Variants in RBFOX1 observed in about 807,000 individuals in gnomAD.
RBFOX1 encodes the protein RNA binding fox-1 homolog 1, also known as RNA binding protein fox-1 homolog 1.
RBFOX1 carries 8 observed loss-of-function variants against 57.7 expected under a neutral mutation model. The ratio of observed to expected loss-of-function variants is 0.14; its 90% confidence interval spans 0.08 to 0.25. RBFOX1 has a LOEUF of 0.25. RBFOX1 is among the 10% of genes least tolerant of loss of function. The pLI, the probability that RBFOX1 is intolerant of heterozygous loss-of-function variation, is 1.00. For synonymous variants in RBFOX1, 326 were observed against 222.4 expected (o/e 1.47, Z -4.15); for missense variants, 611 against 548.5 (o/e 1.11, Z -1.14).
At chr16:5,314,701 A>T (rs779828124) in intron 1 of RBFOX1, among the ~76,000 whole-genome samples, 1 of 151,720 alleles carries the variant, frequency 6.6e-6, no homozygotes, top group East Asian at 1.9e-4. Flanking sequence ...CGGTCTTGTT[A>T]TGTTGCCTAG....
intron 3 of RBFOX1, among the ~76,000 whole-genome samples, chr16:6,999,225 A>ATTTTTTTTTTTTTTTT (rs200620958): frequency 1.6e-5 from 2 of 122,956 alleles, no homozygotes; most frequent in South Asian, 2.7e-4. Context: ...TATTTTTTTT[A>ATTTTTTTTTTTTTTTT]TTTATTTTTT....
chr16:7,022,608 G>T (rs2039639413), intron 3 of RBFOX1, among the ~76,000 whole-genome samples: 1 of 152,092 alleles, frequency 6.6e-6, no homozygotes, highest in Admixed American at 6.6e-5. Flanking sequence ...GGAAGCTGTT[G>T]TGAGCCAAGC....
intron 2 of RBFOX1, among the ~76,000 whole-genome samples, chr16:6,568,204 C>T (rs535413045): frequency 2.8e-4 from 42 of 152,162 alleles, no homozygotes; most frequent in Non-Finnish European, 5.4e-4. Context: ...TTTCTGAGGT[C>T]CAGGAATCTG....
intron 13 of RBFOX1, among the ~76,000 whole-genome samples, chr16:7,676,304 C>T (rs898714838): frequency 6.6e-6 from 1 of 152,112 alleles, no homozygotes; most frequent in African/African-American, 2.4e-5. Flanking sequence ...AACTTTCAAT[C>T]AAAGGGTGAT....
At chr16:6,629,031 AAAAAG>A (rs2098348538) in intron 2 of RBFOX1, among the ~76,000 whole-genome samples, 3 of 152,230 alleles carry the variant, frequency 2.0e-5, no homozygotes, top group Admixed American at 2.0e-4. Context: ...CTCCATCTCA[AAAAAG>A]AAAAAGAATC....
Position 7,157,134 on chromosome 16 carries a change from C to T in RBFOX1, c.27+105036C>T, listed in dbSNP as rs549751151. Among the ~76,000 whole-genome samples, 7 of 152,276 alleles carry T rather than the reference C, an allele frequency of 4.6e-5. No individual in the cohort carries two copies. The East Asian group carries it at 1.4e-3, about 29-fold the overall frequency. ...GTGTGGGAGAAAGCAATCGTATTCT[C>T]ATTGGCACAGGATAAGGGAAGCAAA... is the stretch of plus-strand genomic sequence containing the variant. On this transcript the variant is annotated intron_variant, in intron 4 of 15. Transcript: ENST00000550418.
chr16:6,336,170 T>TATAC lies in RBFOX1; in HGVS notation c.-64+19116_-64+19117insCATA, dbSNP rs2083661142. On this transcript the variant is annotated intron_variant, in intron 2 of 15. Transcript: ENST00000550418. ...ATACATATACATATATATATATATATATATATATATATTTTTTTTTTTTTT... is the reference window on the plus strand; with the variant it reads ...ATACATATACATATATATATATATATATACATATATATATATTTTTTTTTTTTTT... Among the ~76,000 whole-genome samples the TATAC allele has an allele frequency of 1.6e-4, 4 of 25,154 alleles. No individual in the cohort carries two copies. The South Asian group carries it at 4.0e-3, about 25-fold the overall frequency. The allele number at this position is 25,154 out of a possible 152,430, so 16.5% of individuals were successfully genotyped here.
intron 4 of RBFOX1, among the ~76,000 whole-genome samples, chr16:7,120,862 C>CAT (rs1168387316): frequency 7.0e-6 from 1 of 143,818 alleles, no homozygotes; most frequent in African/African-American, 2.6e-5. Flanking sequence ...CACACACATA[C>CAT]GTAAACATAT....
intron 3 of RBFOX1, among the ~76,000 whole-genome samples, chr16:6,896,487 T>C (rs968988328): frequency 1.3e-5 from 2 of 152,186 alleles, no homozygotes; most frequent in African/African-American, 4.8e-5. Context: ...TGTTTTGACT[T>C]TTAGATCCCA....
chr16:6,658,380 T>C (rs1262236206), intron 3 of RBFOX1, among the ~76,000 whole-genome samples: 2 of 151,898 alleles, frequency 1.3e-5, no homozygotes, highest in Non-Finnish European at 2.9e-5. Context: ...GGCTAATTTT[T>C]GTATTCTTAG....
At chr16:6,014,521 C>G (rs1388535471), upstream of RBFOX1, among the ~76,000 whole-genome samples, 1 of 152,160 alleles carries the variant, frequency 6.6e-6, no homozygotes, top group Non-Finnish European at 1.5e-5. Flanking sequence ...TGAGTGAGTT[C>G]AAGCAATCAA....
At chr16:7,259,020 A>C (rs1356164434) in intron 4 of RBFOX1, among the ~76,000 whole-genome samples, 2 of 152,204 alleles carry the variant, frequency 1.3e-5, no homozygotes, top group African/African-American at 4.8e-5. Context: ...GCCCCTCTTC[A>C]AACTAGTGAT....
At chr16:5,687,738 A>C (rs2050548749) in intron 3 of RBFOX1, among the ~76,000 whole-genome samples, 1 of 152,176 alleles carries the variant, frequency 6.6e-6, no homozygotes, top group Admixed American at 6.6e-5. Flanking sequence ...ATTCTCAGGA[A>C]AACTGGAAGA....
intron 2 of RBFOX1, among the ~76,000 whole-genome samples, chr16:6,475,867 T>A (rs917029675): frequency 1.3e-5 from 2 of 152,204 alleles, no homozygotes; most frequent in African/African-American, 4.8e-5. Context: ...GAAAGGATAA[T>A]CTACGTCGCA....
chr16:5,668,382 T>C (rs984848915), intron 3 of RBFOX1, among the ~76,000 whole-genome samples: 3 of 152,230 alleles, frequency 2.0e-5, no homozygotes, highest in Non-Finnish European at 4.4e-5. Context: ...ATCATCTCTT[T>C]TTCCCGACCT....
chr16:5,976,811 G>A (rs943123431), intron 4 of RBFOX1, among the ~76,000 whole-genome samples: 15 of 152,210 alleles, frequency 9.9e-5, no homozygotes, highest in African/African-American at 3.4e-4. Flanking sequence ...GGAGGTTGCA[G>A]TGAGCCAAAA....
intron 3 of RBFOX1, among the ~76,000 whole-genome samples, chr16:6,858,459 T>A (rs2058312635): frequency 6.6e-6 from 1 of 152,180 alleles, no homozygotes; most frequent in East Asian, 1.9e-4. Flanking sequence ...TGGGAAGGAC[T>A]TAGGCATAGC....
intron 2 of RBFOX1, among the ~76,000 whole-genome samples, chr16:6,637,767 C>G (rs745682376): frequency 6.6e-6 from 1 of 151,714 alleles, no homozygotes; most frequent in Non-Finnish European, 1.5e-5. Context: ...AAGAACACAA[C>G]AAGTTGGCGT....
At chr16:6,904,863 G>T (rs961328618) in intron 3 of RBFOX1, among the ~76,000 whole-genome samples, 1 of 152,076 alleles carries the variant, frequency 6.6e-6, no homozygotes, top group Admixed American at 6.6e-5. Context: ...TGCGTTGGGT[G>T]AAGTTTCTCT....
Sources: allele counts gnomAD v4.1 joint callset (sites outside exome capture counted in the v4.1 genomes callset), GRCh38; gene constraint gnomAD v4.1.1; transcripts MANE v1.5; gene names NCBI Gene and HGNC (gene_info 2026-07-23, HGNC 2026-07-21).